TMOD2: variants seen among roughly 807,000 people sequenced by gnomAD.
The protein encoded by TMOD2 is tropomodulin 2, also known as tropomodulin-2.
A neutral mutation model predicts 39.9 loss-of-function variants in TMOD2; 22 were observed. That is an observed-to-expected ratio of 0.55 (90% CI 0.39 to 0.79). The LOEUF (loss-of-function observed/expected upper bound fraction) is 0.79, where lower values mean the gene tolerates loss of function less well. TMOD2 is among the 30% of genes least tolerant of loss of function. The pLI is 0.00. For synonymous variants in TMOD2, 123 were observed against 146.1 expected (o/e 0.84, Z 1.14); for missense variants, 386 against 413.3 (o/e 0.93, Z 0.57).
chr15:51,808,046 T>G (rs1421616623), intron 9 of TMOD2, among the ~76,000 whole-genome samples: 1 of 152,178 alleles, frequency 6.6e-6, no homozygotes, highest in Non-Finnish European at 1.5e-5. Context: ...ATTAAAAGAT[T>G]GTGATTGTGT....
In TMOD2 at chr15:51,797,088, G is replaced by A. The variant is rs144605225; in HGVS notation, c.733-1109G>A. 3.5e-3 allele frequency among the ~76,000 whole-genome samples: 531 copies of A among 152,310 alleles called. 7 individuals carry two copies. Among genetic ancestry groups the A allele is most frequent in the African/African-American group, 0.012 (500 of 41,564 alleles). ...AACTTATGAATTGTTTATTTCTGGG[G>A]TTGTCCATTTAACGTTTTCCCACTG... On this transcript the variant is annotated intron_variant, in intron 7 of 9. Transcript: ENST00000249700.
intron 6 of TMOD2, among the ~76,000 whole-genome samples, chr15:51,782,370 G>A (rs1260804325): frequency 6.6e-6 from 1 of 152,208 alleles, no homozygotes; most frequent in African/African-American, 2.4e-5. Flanking sequence ...GTCTGAAAAA[G>A]AGAACGACTT....
intron 3 of TMOD2, among the ~76,000 whole-genome samples, chr15:51,770,811 AT>A (rs1019977681): frequency 2.6e-5 from 4 of 152,186 alleles, no homozygotes; most frequent in East Asian, 1.9e-4. Context: ...CTCCAAAAAA[AT>A]AATAAATAAA....
In TMOD2 at chr15:51,812,513, C is replaced by A. The variant is rs1472143709; in HGVS notation, c.*4059C>A. 1 of 152,166 alleles carries A rather than the reference C, an allele frequency of 6.6e-6. No individual in the cohort carries two copies. The highest frequency in any genetic ancestry group is 1.5e-5 in the Non-Finnish European group (1 of 68,020). 9.4% of individuals were successfully genotyped at this position (152,166 alleles called of 1,614,324 possible). A position where few individuals can be genotyped will look rare whatever the true frequency, so the allele number is the denominator to read the frequency against. ...TTCACAGATATGATGTACTCAGCCC[C>A]CTCCTAGGCACTACGAAGAAGACAG... On this transcript the variant is annotated 3_prime_UTR_variant, in exon 10 of 10. Transcript: ENST00000249700.
At chr15:51,763,431 A>G (rs1364032442) in intron 1 of TMOD2, among the ~76,000 whole-genome samples, 1 of 152,248 alleles carries the variant, frequency 6.6e-6, no homozygotes, top group African/African-American at 2.4e-5. Context: ...TCAGAGTCCA[A>G]CATTTTAGAT....
intron 7 of TMOD2, among the ~76,000 whole-genome samples, chr15:51,797,395 G>T (rs1433423647): frequency 6.6e-6 from 1 of 152,194 alleles, no homozygotes; most frequent in Non-Finnish European, 1.5e-5. Flanking sequence ...TCCTAAGGCG[G>T]TTCTTTAAGG....
chr15:51,807,802 G>C (rs2056130326), intron 9 of TMOD2, among the ~76,000 whole-genome samples: 1 of 152,164 alleles, frequency 6.6e-6, no homozygotes, highest in Non-Finnish European at 1.5e-5. Context: ...GACCAGGAGA[G>C]CCTGCAGTTG....
chr15:51,808,789 A>G lies in TMOD2; in HGVS notation c.*335A>G. 4.4e-6 allele frequency: 1 copy of G among 227,370 alleles called. No individual in the cohort carries two copies. 14.1% of individuals were successfully genotyped at this position (227,370 alleles called of 1,614,324 possible). ...ACTTGTTTTTTTAATCACTGAAAGG[A>G]ATTTAGTGTATAATATGTGTTTGTA... On this transcript the variant is annotated 3_prime_UTR_variant, in exon 10 of 10. Coordinates refer to ENST00000249700, the MANE Select transcript of TMOD2 (RefSeq NM_014548.4).
At chr15:51,804,708 G>T (rs2056111080) in intron 8 of TMOD2, among the ~76,000 whole-genome samples, 1 of 151,632 alleles carries the variant, frequency 6.6e-6, no homozygotes, top group South Asian at 2.1e-4. Context: ...GAGTAGCTGG[G>T]ACTACAGGTG....
chr15:51,806,379 G>A lies in TMOD2; in HGVS notation c.879G>A (p.Arg293=). The A allele has an allele frequency of 6.2e-7, 1 of 1,614,126 alleles. No homozygotes were observed. Among genetic ancestry groups the A allele is most frequent in the Non-Finnish European group, 8.5e-7 (1 of 1,179,984 alleles). The change falls in exon 9 of 10, where the codon AGG becomes AGA. Residue 293 remains arginine (R), a splice_region_variant and synonymous_variant. Coordinates refer to ENST00000249700, the MANE Select transcript of TMOD2 (RefSeq NM_014548.4). The part of the protein sequence containing the change: ...TLTEIKIDNQ[R]QQLGTAVEME... ...CATGTGTCTGCACCTGCAACCAGAG[G>A]CAGCAGTTGGGAACAGCTGTAGAGA...
intron 7 of TMOD2, among the ~76,000 whole-genome samples, chr15:51,797,894 A>C (rs1430655324): frequency 1.3e-5 from 2 of 151,106 alleles, no homozygotes; most frequent in Non-Finnish European, 2.9e-5. Context: ...AAAAAAAAAA[A>C]CAGTAGTGGT....
intron 1 of TMOD2, among the ~76,000 whole-genome samples, chr15:51,761,083 A>G (rs1266671940): frequency 2.6e-5 from 4 of 152,320 alleles, no homozygotes; most frequent in Admixed American, 2.0e-4. Flanking sequence ...AGCCATTGTA[A>G]GTTCTTAACC....
intron 1 of TMOD2, among the ~76,000 whole-genome samples, chr15:51,762,098 G>A (rs939306095): frequency 8.0e-5 from 12 of 150,078 alleles, no homozygotes; most frequent in South Asian, 4.2e-4. Flanking sequence ...GCAGTGAGCC[G>A]AGATTGCGCC....
intron 7 of TMOD2, among the ~76,000 whole-genome samples, chr15:51,792,852 C>T (rs1383452662): frequency 5.9e-5 from 9 of 151,884 alleles, no homozygotes; most frequent in Non-Finnish European, 1.2e-4. Flanking sequence ...TATCACACAC[C>T]GGGGCCTGTG....
rs2056123712 is a variant in TMOD2, at chr15:51,806,668, G to A, written c.1021+147G>A. 3 of 833,874 alleles carry A rather than the reference G, an allele frequency of 3.6e-6. No homozygotes were observed. In the South Asian group the frequency reaches 6.0e-5, roughly 17 times the overall value. 51.7% of individuals were successfully genotyped at this position (833,874 alleles called of 1,614,324 possible). On this transcript the variant is annotated intron_variant, in intron 9 of 9. Transcript: ENST00000249700. The stretch of plus-strand genomic sequence containing the variant: ...TATAAGACGCATTATTATAATACAT[G>A]GTCATAGGAGTCTTTGTGGTCCTCG...
intron 1 of TMOD2, among the ~76,000 whole-genome samples, chr15:51,759,906 C>T (rs2055768980): frequency 6.6e-6 from 1 of 152,228 alleles, no homozygotes; most frequent in African/African-American, 2.4e-5. Flanking sequence ...GGGCAGGCAG[C>T]TGTATGGAGA....
chr15:51,798,906 A>G (rs1164004930), intron 8 of TMOD2, among the ~76,000 whole-genome samples: 3 of 152,204 alleles, frequency 2.0e-5, no homozygotes, highest in Non-Finnish European at 2.9e-5. Context: ...AGCAGGCCAC[A>G]CCCATGAGAT....
chr15:51,782,569 T>C, intron 6 of TMOD2, 152 bp from the exon 7 acceptor site: 1 of 621,940 alleles, frequency 1.6e-6, no homozygotes, highest in South Asian at 2.1e-5. Context: ...TCAGGATAGC[T>C]TGGTTGCTGA....
At chr15:51,775,231 C>T (rs1180031728) in intron 4 of TMOD2, among the ~76,000 whole-genome samples, 1 of 152,168 alleles carries the variant, frequency 6.6e-6, no homozygotes, top group Non-Finnish European at 1.5e-5. Flanking sequence ...CAAAACAGCA[C>T]CTCTTACACT....
Sources: gnomAD v4.1 joint callset for allele counts (sites outside exome capture counted in the v4.1 genomes callset) on GRCh38, gnomAD v4.1.1 for gene constraint, MANE v1.5 for transcripts, NCBI Gene and HGNC (gene_info 2026-07-23, HGNC 2026-07-21) for gene names.